The following MTHFD1 variants were observed in gnomAD, a reference collection of about 807,000 sequenced individuals.
MTHFD1 encodes methylenetetrahydrofolate dehydrogenase, cyclohydrolase and formyltetrahydrofolate synthetase 1.
Under a neutral mutation model 110.3 loss-of-function variants are expected in MTHFD1, and 44 were observed. The ratio of observed to expected loss-of-function variants is 0.40; its 90% CI spans 0.31 to 0.51. The LOEUF (loss-of-function observed/expected upper bound fraction) is 0.51, where lower values mean the gene tolerates loss of function less well. MTHFD1 is among the 20% of genes least tolerant of loss of function. MTHFD1 has a pLI of 0.60. For synonymous variants in MTHFD1, 402 were observed against 428.8 expected (o/e 0.94, Z 0.77); for missense variants, 909 against 1,173.1 (o/e 0.77, Z 3.29).
chr14:64,439,255 C>T (rs965867593), intron 17 of MTHFD1, 83 bp downstream of exon 17: 24 of 1,003,974 alleles, frequency 2.4e-5, no homozygotes, highest in African/African-American at 1.1e-4. Context: ...CTCTCTCATA[C>T]GACTGATACT....
At chr14:64,449,311 C>A in intron 23 of MTHFD1, 134 bp from the exon 24 acceptor site, 1 of 1,067,700 alleles carries the variant, frequency 9.4e-7, no homozygotes, top group Non-Finnish European at 1.4e-6. Flanking sequence ...AGCTGAGATT[C>A]AAACCCAGGC....
In MTHFD1 at chr14:64,408,127, G is replaced by T. The variant is rs75650321; in HGVS notation, c.127-2963G>T. ...GCAATAGCAGCAGCTGCTGTGACAC[G>T]GTATGTGTCCCACAAAGCCTAAAAT... On this transcript the variant is annotated intron_variant, in intron 2 of 27. Transcript: ENST00000652337. 3.7e-3 allele frequency among the ~76,000 whole-genome samples: 564 copies of T among 152,084 alleles called. 2 individuals carry two copies. The highest frequency in any genetic ancestry group is 5.5e-3 in the Non-Finnish European group (374 of 68,012).
rs373302182 is a variant in MTHFD1 at position 64,424,793 on chromosome 14, C to T, written c.728-11C>T. On this transcript the variant is annotated splice_polypyrimidine_tract_variant and intron_variant, in intron 8 of 27. Transcript: ENST00000652337. Reference sequence around the variant, plus strand: ...TGAGACTTAGTTTTGATTTCTCCCCCACTTGACCAGATGATAAAAAACCAA... The same window carrying T: ...TGAGACTTAGTTTTGATTTCTCCCCTACTTGACCAGATGATAAAAAACCAA... 2.5e-6 allele frequency: 4 copies of T among 1,613,618 alleles called. No homozygotes were observed. Among genetic ancestry groups the T allele is most frequent in the African/African-American group, 2.7e-5 (2 of 74,916 alleles).
intron 7 of MTHFD1, among the ~76,000 whole-genome samples, chr14:64,418,714 G>A (rs546868656): frequency 4.3e-4 from 66 of 151,992 alleles, no homozygotes; most frequent in African/African-American, 1.2e-3. Flanking sequence ...GTGCCACCAC[G>A]CCTGGCTAAT....
In MTHFD1 at chr14:64,456,077, G is replaced by A. The variant is rs113202448; in HGVS notation, c.2718+1202G>A. 1.1e-3 allele frequency among the ~76,000 whole-genome samples: 168 copies of A among 152,324 alleles called. 2 individuals are homozygous for A. The highest frequency in any genetic ancestry group is 3.9e-3 in the African/African-American group (161 of 41,570). ...GTCAGCAGCTACCAGCTGAAAGACG[G>A]GTAGCTGTACTCTTTCTTGTCACTT... On this transcript the variant is annotated intron_variant, in intron 26 of 27. Coordinates refer to ENST00000652337, the MANE Select transcript of MTHFD1 (RefSeq NM_005956.4).
At chr14:64,441,300 G>A (rs1474087169) in intron 18 of MTHFD1, 85 bp from the exon 19 acceptor site, 3 of 1,284,826 alleles carry the variant, frequency 2.3e-6, no homozygotes, top group Non-Finnish European at 3.4e-6. Flanking sequence ...GCTAACATGG[G>A]TAAGCCTAGA....
rs1295142418 is a variant in MTHFD1 at position 64,424,941 on chromosome 14, A to T, written c.855+10A>T. ...TGCAATGCTCATGCAGGTAATTGTG[A>T]ATAAAAGTTTCTATAAGAGTTCTGA... On this transcript the variant is annotated intron_variant, in intron 9 of 27. Coordinates refer to ENST00000652337, the MANE Select transcript of MTHFD1 (RefSeq NM_005956.4). The T allele has an allele frequency of 3.1e-6, 5 of 1,614,180 alleles. No individual in the cohort carries two copies. Among genetic ancestry groups the T allele is most frequent in the Non-Finnish European group, 2.5e-6 (3 of 1,180,026 alleles).
intron 2 of MTHFD1, 109 bp from the exon 3 acceptor site, chr14:64,410,981 A>T: frequency 1.2e-6 from 1 of 801,050 alleles, no homozygotes; most frequent in Non-Finnish European, 2.2e-6. Flanking sequence ...TCTCTGCAAC[A>T]AGAGTCGCAT....
chr14:64,415,589 A>T (rs1333256838), intron 5 of MTHFD1, 50 bp from the exon 6 acceptor site: 1 of 1,612,850 alleles, frequency 6.2e-7, no homozygotes, highest in Admixed American at 1.7e-5. Flanking sequence ...CTAAAGAGTA[A>T]AGACATCTAA....
intron 8 of MTHFD1, among the ~76,000 whole-genome samples, chr14:64,423,163 T>C (rs2140961868): frequency 6.6e-6 from 1 of 152,272 alleles, no homozygotes; most frequent in African/African-American, 2.4e-5. Flanking sequence ...TTTGCTGCTT[T>C]ATAATCTTCT....
In MTHFD1 at chr14:64,444,691, A is replaced by C; in HGVS notation, c.2137-2A>C. The C allele has an allele frequency of 6.2e-7, 1 of 1,614,084 alleles. No homozygotes were observed. Among genetic ancestry groups the C allele is most frequent in the Non-Finnish European group, 8.5e-7 (1 of 1,179,970 alleles). ...CTCTGACTCTGTTTCTTTTCCTTCC[A>C]GGTCACTGCTGGACTGCCTCTTCCC... On this transcript the variant is annotated splice_acceptor_variant, in intron 21 of 27. Transcript: ENST00000652337. LOFTEE classifies it high-confidence loss of function.
chr14:64,449,869 A>G (rs1268358516), intron 24 of MTHFD1, among the ~76,000 whole-genome samples: 1 of 152,082 alleles, frequency 6.6e-6, no homozygotes, highest in Non-Finnish European at 1.5e-5. Flanking sequence ...GCTCACTGCA[A>G]CCTCTGCCTC....
intron 19 of MTHFD1, chr14:64,441,734 C>CT: frequency 1.9e-6 from 1 of 537,498 alleles, no homozygotes; most frequent in Non-Finnish European, 3.3e-6. Context: ...ACCTGGGAGG[C>CT]AGAGCTTGCA....
At chr14:64,400,602 C>T (rs987884245) in intron 1 of MTHFD1, among the ~76,000 whole-genome samples, 191 bp from the exon 2 acceptor site, 1 of 152,178 alleles carries the variant, frequency 6.6e-6, no homozygotes, top group African/African-American at 2.4e-5. Flanking sequence ...GCGAAAGGAT[C>T]GCTTGAGCCC....
chr14:64,414,930 C>T (rs951343153), intron 4 of MTHFD1, among the ~76,000 whole-genome samples: 8 of 151,740 alleles, frequency 5.3e-5, no homozygotes, highest in African/African-American at 1.9e-4. Context: ...CTCAGGTGAT[C>T]CACCCACCTC....
chr14:64,413,888 G>A (rs1167479272), intron 4 of MTHFD1, among the ~76,000 whole-genome samples: 1 of 152,144 alleles, frequency 6.6e-6, no homozygotes, highest in African/African-American at 2.4e-5. Flanking sequence ...GCAGCACAGT[G>A]GTGTGATCAT....
chr14:64,410,381 T>A (rs368721893), intron 2 of MTHFD1, among the ~76,000 whole-genome samples: 3 of 134,710 alleles, frequency 2.2e-5, no homozygotes, highest in African/African-American at 8.4e-5. Context: ...CAGGCACCAC[T>A]ATGCCTGGCT....
intron 22 of MTHFD1, 72 bp downstream of exon 22, chr14:64,444,806 C>T: frequency 6.4e-7 from 1 of 1,552,378 alleles, no homozygotes; most frequent in Non-Finnish European, 8.9e-7. Context: ...TCCACCTGGC[C>T]CATGTGGAAA....
intron 23 of MTHFD1, 188 bp downstream of exon 23, chr14:64,448,505 C>T: frequency 1.6e-6 from 1 of 621,778 alleles, no homozygotes; most frequent in South Asian, 1.8e-5. Flanking sequence ...CTGAGGGTCC[C>T]AAAGTCAGAT....
Sources: allele counts gnomAD v4.1 joint callset (sites outside exome capture counted in the v4.1 genomes callset), GRCh38; gene constraint gnomAD v4.1.1; transcripts MANE v1.5; gene names NCBI Gene and HGNC (gene_info 2026-07-23, HGNC 2026-07-21).